The following CLASP2 variants were observed in gnomAD, a reference collection of about 807,000 sequenced individuals.
CLASP2 encodes the protein CLIP-associating protein 2.
A neutral mutation model predicts 194.4 loss-of-function variants in CLASP2; 47 were observed. The observed-to-expected ratio is 0.24, with a 90% CI of 0.19 to 0.31. The LOEUF is 0.31. Among genes scored for constraint, CLASP2 ranks in the 10% least tolerant of loss-of-function variants. The probability of loss-of-function intolerance (pLI) is 1.00; values close to 1 mark genes in which losing one functional copy is unlikely to be tolerated. For missense variants in CLASP2, 1,445 were observed against 1,823.6 expected, an observed-to-expected ratio of 0.79 and a Z score of 3.78; for synonymous variants, 619 against 633.5, an observed-to-expected ratio of 0.98 and a Z score of 0.34.
intron 30 of CLASP2, among the ~76,000 whole-genome samples, chr3:33,548,790 T>C (rs1179417464): frequency 2.1e-5 from 3 of 140,542 alleles, no homozygotes; most frequent in Non-Finnish European, 4.6e-5. Context: ...TTTTTTTGAG[T>C]TGGGAGTCTC....
chr3:33,548,667 A>G (rs1355219729), intron 30 of CLASP2, among the ~76,000 whole-genome samples: 2 of 151,644 alleles, frequency 1.3e-5, no homozygotes, highest in Non-Finnish European at 2.9e-5. Flanking sequence ...TTTTACTGAT[A>G]GGATTGACAG....
At chr3:33,540,056 G>A (rs1189288433) in intron 32 of CLASP2, among the ~76,000 whole-genome samples, 1 of 151,328 alleles carries the variant, frequency 6.6e-6, no homozygotes, top group East Asian at 2.0e-4. Flanking sequence ...AGCCTCCCGA[G>A]TAGCTGGGAT....
intron 9 of CLASP2, among the ~76,000 whole-genome samples, chr3:33,629,544 T>C (rs968108993): frequency 5.3e-5 from 8 of 151,976 alleles, no homozygotes; most frequent in Admixed American, 4.6e-4. Context: ...GGCTGATGGA[T>C]AGAAAGGAAA....
chr3:33,670,167 A>T (rs1312906820), intron 6 of CLASP2, among the ~76,000 whole-genome samples: 3 of 152,166 alleles, frequency 2.0e-5, no homozygotes, highest in Non-Finnish European at 4.4e-5. Context: ...GAAGTCAAAC[A>T]CAAAAAAGTA....
intron 29 of CLASP2, among the ~76,000 whole-genome samples, chr3:33,557,317 G>T (rs1426495763): frequency 6.6e-6 from 1 of 151,780 alleles, no homozygotes; most frequent in East Asian, 1.9e-4. Flanking sequence ...ATTTGCACTG[G>T]TTCATGAAAC....
chr3:33,517,409 C>A (rs572950765), intron 34 of CLASP2, among the ~76,000 whole-genome samples: 1 of 152,076 alleles, frequency 6.6e-6, no homozygotes, highest in Non-Finnish European at 1.5e-5. Context: ...TATAATGAAC[C>A]CTTATATTCC....
intron 34 of CLASP2, 106 bp from the exon 35 acceptor site, chr3:33,517,280 G>T: frequency 3.5e-6 from 3 of 862,484 alleles, no homozygotes; most frequent in African/African-American, 1.8e-5. Context: ...CATCATGTTT[G>T]CTGTAAAAAA....
chr3:33,497,851 C>A lies in CLASP2; in HGVS notation c.*780G>T, dbSNP rs1455491265. The A allele has an allele frequency of 6.6e-6, 1 of 152,370 alleles. No homozygotes were observed. The highest frequency in any genetic ancestry group is 1.5e-5 in the Non-Finnish European group (1 of 67,968). 9.4% of individuals were successfully genotyped at this position (152,370 alleles called of 1,614,324 possible). A position where few individuals can be genotyped will look rare whatever the true frequency, so the allele number is the denominator to read the frequency against. On this transcript the variant is annotated 3_prime_UTR_variant, in exon 39 of 39. Coordinates refer to ENST00000682230, the MANE Select transcript of CLASP2 (RefSeq NM_001365631.1). The stretch of plus-strand genomic sequence containing the variant: ...CATTCACAACAAAGATATAAACAAA[C>A]CAAAATAAACCCTGCAATAAAACCT...
intron 15 of CLASP2, 53 bp downstream of exon 15, chr3:33,607,331 A>T (rs2074095267): frequency 2.5e-6 from 3 of 1,216,434 alleles, no homozygotes; most frequent in African/African-American, 1.5e-5. Context: ...CTCCTAATAC[A>T]TTTTTTTTTA....
At chr3:33,536,128 T>C (rs1479530237) in intron 33 of CLASP2, among the ~76,000 whole-genome samples, 1 of 152,126 alleles carries the variant, frequency 6.6e-6, no homozygotes, top group Non-Finnish European at 1.5e-5. Context: ...TTACAAATAT[T>C]CTTAAAATAT....
chr3:33,671,907 C>T (rs2087322078), intron 6 of CLASP2, among the ~76,000 whole-genome samples: 2 of 152,132 alleles, frequency 1.3e-5, no homozygotes, highest in Admixed American at 1.3e-4. Context: ...CCCGCCATTG[C>T]CCAGGCTTGC....
chr3:33,546,735 T>G (rs1255522999), intron 30 of CLASP2, among the ~76,000 whole-genome samples: 3 of 152,222 alleles, frequency 2.0e-5, no homozygotes, highest in African/African-American at 7.2e-5. Context: ...TTCTCCCTTA[T>G]ACTAGCCCAT....
chr3:33,682,802 T>A (rs770135946), intron 6 of CLASP2, among the ~76,000 whole-genome samples: 1 of 152,134 alleles, frequency 6.6e-6, no homozygotes, highest in Non-Finnish European at 1.5e-5. Flanking sequence ...AAAAACAAAT[T>A]GTCAGTTGTT....
At chr3:33,597,005 C>T (rs1200719979) in intron 18 of CLASP2, among the ~76,000 whole-genome samples, 1 of 152,144 alleles carries the variant, frequency 6.6e-6, no homozygotes, top group Non-Finnish European at 1.5e-5. Flanking sequence ...AGGCCCATGT[C>T]CCAGCTTTGG....
intron 38 of CLASP2, among the ~76,000 whole-genome samples, chr3:33,499,191 C>T (rs961298096): frequency 1.3e-5 from 2 of 152,100 alleles, no homozygotes; most frequent in South Asian, 2.1e-4. Context: ...TTGCCCGCTT[C>T]GCTCTGCAGC....
intron 1 of CLASP2, among the ~76,000 whole-genome samples, chr3:33,713,755 C>T (rs1343892911): frequency 6.6e-6 from 1 of 152,036 alleles, no homozygotes; most frequent in East Asian, 1.9e-4. Flanking sequence ...CCAATCACGG[C>T]TCACTGCAGT....
At position 33,559,377 on chromosome 3, in the gene CLASP2, A is replaced by G; in HGVS notation, c.2939T>C (p.Phe980Ser). The G allele has an allele frequency of 6.3e-7, 1 of 1,585,756 alleles. No individual in the cohort carries two copies. Among genetic ancestry groups the G allele is most frequent in the Non-Finnish European group, 8.6e-7 (1 of 1,162,500 alleles). The change falls in exon 29 of 39, where the codon TTT becomes TCT. Residue 980 changes from phenylalanine to serine, a missense_variant. Transcript: ENST00000682230. Reference protein sequence around the residue: ...QKALDVTRESFPNDLQFNILM... With the variant: ...QKALDVTRESSPNDLQFNILM... The stretch of plus-strand genomic sequence containing the variant: ...AATATTGAACTGAAGATCATTTGGA[A>G]AAGACTCTCTGAAACAAGAACAAAG...
At chr3:33,677,865 C>T (rs1263161144) in intron 6 of CLASP2, among the ~76,000 whole-genome samples, 3 of 128,048 alleles carry the variant, frequency 2.3e-5, no homozygotes, top group African/African-American at 5.9e-5. Context: ...AGGCAGATAG[C>T]ATGCCAAAAA....
At chr3:33,610,852 A>C (rs181864696) in intron 13 of CLASP2, among the ~76,000 whole-genome samples, 2 of 152,374 alleles carry the variant, frequency 1.3e-5, no homozygotes, top group East Asian at 1.9e-4. Context: ...GAACCACTTC[A>C]AATAACAATG....
Sources: gnomAD v4.1 joint callset for allele counts (sites outside exome capture counted in the v4.1 genomes callset) on GRCh38, gnomAD v4.1.1 for gene constraint, MANE v1.5 for transcripts, NCBI Gene and HGNC (gene_info 2026-07-23, HGNC 2026-07-21) for gene names.